The following VGLL3 variants were observed in gnomAD, a reference collection of about 807,000 sequenced individuals.
The protein encoded by VGLL3 is vestigial like family member 3, also known as transcription cofactor vestigial-like protein 3.
Under a neutral mutation model 29.2 loss-of-function variants are expected in VGLL3, and 18 were observed. That is an observed-to-expected ratio of 0.62 (90% confidence interval 0.43 to 0.91). The LOEUF (loss-of-function observed/expected upper bound fraction) is 0.91, where lower values mean the gene tolerates loss of function less well. VGLL3 is among the 40% of genes least tolerant of loss of function. The pLI, the probability that VGLL3 is intolerant of heterozygous loss-of-function variation, is 0.00. For missense variants in VGLL3, 440 were observed against 413.2 expected (o/e 1.06, Z -0.56); for synonymous variants, 180 against 151.8 (o/e 1.19, Z -1.36).
At position 86,971,860 on chromosome 3, in the gene VGLL3, C is replaced by T. The variant is rs189685203; in HGVS notation, c.404-2737G>A. ...GTTCATCCTTGCTACCACACATCTG[C>T]CACTTTGCTCTCACAACTCCCATCT... is the stretch of plus-strand genomic sequence containing the variant. On this transcript the variant is annotated intron_variant, in intron 2 of 3. Transcript: ENST00000398399. Among the ~76,000 whole-genome samples, 371 of 152,268 alleles carry T rather than the reference C, an allele frequency of 2.4e-3. 1 individual carries two copies. Among genetic ancestry groups the T allele is most frequent in the African/African-American group, 8.6e-3 (357 of 41,554 alleles).
chr3:86,963,046 G>A (rs1395284645), intron 3 of VGLL3: 6 of 218,522 alleles, frequency 2.7e-5, no homozygotes, highest in Non-Finnish European at 3.0e-5. Context: ...AGTGAGTCAA[G>A]ATCTCGCCAT....
chr3:86,966,981 C>T (rs2107012356), intron 3 of VGLL3, among the ~76,000 whole-genome samples: 1 of 151,580 alleles, frequency 6.6e-6, no homozygotes, highest in Admixed American at 6.6e-5. Flanking sequence ...GTGAGAATGG[C>T]TTTTCATCTT....
rs1704426136 is a variant in VGLL3, at chr3:86,942,812, A to T, written c.*4212T>A. On this transcript the variant is annotated 3_prime_UTR_variant, in exon 4 of 4. Transcript: ENST00000398399. ...AAGGAACAGTTAGTAGGAGAAAAAG[A>T]TTCTCTTTGCAGTAATTTCTTACAG... 1.3e-5 allele frequency: 2 copies of T among 152,214 alleles called. 1 individual carries two copies. Among genetic ancestry groups the T allele is most frequent in the South Asian group, 4.1e-4 (2 of 4,834 alleles). The allele number at this position is 152,214 out of a possible 1,614,324, so 9.4% of individuals were successfully genotyped here.
intron 3 of VGLL3, among the ~76,000 whole-genome samples, chr3:86,956,870 T>C (rs1043114739): frequency 2.0e-5 from 3 of 151,592 alleles, no homozygotes; most frequent in Admixed American, 6.6e-5. Flanking sequence ...GTAATTTATA[T>C]GGCAAAGGAG....
At position 86,942,113 on chromosome 3, in the gene VGLL3, C is replaced by T. The variant is rs1374204468; in HGVS notation, c.*4911G>A. ...CCTTTAAATATTTTCAGAGAATAAA[C>T]TGTAATTTCTCTCTCAAACAAGCCT... On this transcript the variant is annotated 3_prime_UTR_variant, in exon 4 of 4. Transcript: ENST00000398399. 2 of 152,074 alleles carry T rather than the reference C, an allele frequency of 1.3e-5. No individual in the cohort carries two copies. The highest frequency in any genetic ancestry group is 4.8e-5 in the African/African-American group (2 of 41,396). The allele number at this position is 152,074 out of a possible 1,614,324, so 9.4% of individuals were successfully genotyped here. A position where few individuals can be genotyped will look rare whatever the true frequency, so the allele number is the denominator to read the frequency against.
At chr3:86,990,559 C>T in intron 1 of VGLL3, 59 bp downstream of exon 1, 2 of 1,311,440 alleles carry the variant, frequency 1.5e-6, no homozygotes, top group African/African-American at 1.5e-5. Flanking sequence ...GAGCCCCAGA[C>T]CGATACTCTC....
rs1012950603 is a variant in VGLL3 at position 86,945,845 on chromosome 3, A to G, written c.*1179T>C. The stretch of plus-strand genomic sequence containing the variant: ...ACTTGTTAAGTTCTGTGTTGAAACT[A>G]TTATATATAGAACTGTTTGTTTGTT... On this transcript the variant is annotated 3_prime_UTR_variant, in exon 4 of 4. Transcript: ENST00000398399. The G allele has an allele frequency of 2.0e-5, 3 of 151,980 alleles. No homozygotes were observed. The South Asian group carries it at 6.2e-4, about 31-fold the overall frequency. 9.4% of individuals were successfully genotyped at this position (151,980 alleles called of 1,614,324 possible). A position where few individuals can be genotyped will look rare whatever the true frequency, so the allele number is the denominator to read the frequency against.
chr3:86,968,767 C>A lies in VGLL3; in HGVS notation c.760G>T (p.Ala254Ser). 2 of 1,614,132 alleles carry A rather than the reference C, an allele frequency of 1.2e-6. No homozygotes were observed. The highest frequency in any genetic ancestry group is 1.7e-6 in the Non-Finnish European group (2 of 1,180,020). The change falls in exon 3 of 4, where the codon GCC becomes TCC. Residue 254 changes from alanine (A) to serine (S), a missense_variant. By Grantham distance (99) the Ala-to-Ser change is moderately conservative. Transcript: ENST00000398399. ...AGAGGCCCATAGGATGGATCCAGGG[C>A]AGAGCCAGCAGGAGGGTGGTGATGG... ...HHHHHPPAGS[A>S]LDPSYGPLLM...
intron 3 of VGLL3, among the ~76,000 whole-genome samples, chr3:86,949,601 C>A (rs1271360009): frequency 1.3e-5 from 2 of 151,526 alleles, no homozygotes; most frequent in African/African-American, 4.8e-5. Flanking sequence ...CCGAGGCGGG[C>A]GGATCACGAG....
At chr3:86,972,037 A>G (rs1187798621) in intron 2 of VGLL3, among the ~76,000 whole-genome samples, 2 of 152,206 alleles carry the variant, frequency 1.3e-5, no homozygotes, top group African/African-American at 4.8e-5. Context: ...AAAAGTACGG[A>G]GAGTATATAC....
At chr3:86,977,437 A>C (rs949741111) in intron 2 of VGLL3, among the ~76,000 whole-genome samples, 1 of 152,192 alleles carries the variant, frequency 6.6e-6, no homozygotes, top group African/African-American at 2.4e-5. Context: ...ACAGGTAGCC[A>C]GCTTTTCCTC....
chr3:86,960,894 T>C (rs532534248), intron 3 of VGLL3, among the ~76,000 whole-genome samples: 1 of 150,108 alleles, frequency 6.7e-6, no homozygotes, highest in East Asian at 2.0e-4. Flanking sequence ...CTAGATTTCA[T>C]GGACCTGCGA....
intron 3 of VGLL3, among the ~76,000 whole-genome samples, chr3:86,957,181 C>T (rs1252694398): frequency 1.3e-5 from 2 of 152,094 alleles, no homozygotes; most frequent in South Asian, 2.1e-4. Flanking sequence ...ATGTTAACCC[C>T]GCAATATTTT....
intron 2 of VGLL3, among the ~76,000 whole-genome samples, chr3:86,973,643 C>T (rs1032954561): frequency 6.6e-6 from 1 of 152,276 alleles, no homozygotes; most frequent in South Asian, 2.1e-4. Flanking sequence ...ATTAGTCACG[C>T]CTCACTTTTT....
At position 86,990,413 on chromosome 3, in the gene VGLL3, A is replaced by G; in HGVS notation, c.126+205T>C. On this transcript the variant is annotated intron_variant, in intron 1 of 3. Coordinates refer to ENST00000398399, the MANE Select transcript of VGLL3 (RefSeq NM_016206.4). ...GTGACCACAGCTCAATGAAGCCCCCAGCTAGGTCATGCCTCACCCACCCGT... is the reference window on the plus strand; with the variant it reads ...GTGACCACAGCTCAATGAAGCCCCCGGCTAGGTCATGCCTCACCCACCCGT... 3 of 983,686 alleles carry G rather than the reference A, an allele frequency of 3.0e-6. No individual in the cohort carries two copies. In the African/African-American group the frequency reaches 5.2e-5, roughly 17 times the overall value. The allele number at this position is 983,686 out of a possible 1,614,324, so 60.9% of individuals were successfully genotyped here. A position where few individuals can be genotyped will look rare whatever the true frequency, so the allele number is the denominator to read the frequency against.
chr3:86,960,953 A>T (rs1043673242), intron 3 of VGLL3, among the ~76,000 whole-genome samples: 1 of 149,016 alleles, frequency 6.7e-6, no homozygotes, highest in Non-Finnish European at 1.5e-5. Context: ...ATATATATAT[A>T]TATATATATA....
intron 3 of VGLL3, among the ~76,000 whole-genome samples, chr3:86,967,386 C>T (rs1159982715): frequency 6.6e-6 from 1 of 152,144 alleles, no homozygotes; most frequent in Admixed American, 6.5e-5. Context: ...ATTACCAAGT[C>T]CCCTGATACT....
At chr3:86,976,228 G>A (rs1293363881) in intron 2 of VGLL3, among the ~76,000 whole-genome samples, 1 of 152,146 alleles carries the variant, frequency 6.6e-6, no homozygotes, top group Non-Finnish European at 1.5e-5. Context: ...CATCTTCAGG[G>A]CCTTTGCACT....
chr3:86,960,932 GAT>G (rs57744873), intron 3 of VGLL3, among the ~76,000 whole-genome samples: 4,317 of 137,652 alleles, frequency 0.031, 74 homozygotes, highest in East Asian at 0.077. Flanking sequence ...AAGTAATTGT[GAT>G]ATATATATAT....
Sources: allele counts gnomAD v4.1 joint callset (sites outside exome capture counted in the v4.1 genomes callset), GRCh38; gene constraint gnomAD v4.1.1; transcripts MANE v1.5; gene names NCBI Gene and HGNC (gene_info 2026-07-23, HGNC 2026-07-21).